HDAC9: variants seen among roughly 807,000 people sequenced by gnomAD.
HDAC9 encodes MEF-2 interacting transcription repressor (MITR) protein.
In HDAC9, 41 loss-of-function variants were observed where a neutral mutation model predicts 139.4. That is an observed-to-expected ratio of 0.29 (90% CI 0.23 to 0.38). The LOEUF (loss-of-function observed/expected upper bound fraction) is 0.38, where lower values mean the gene tolerates loss of function less well. Ranked by LOEUF, HDAC9 falls within the 10% of genes least tolerant of loss-of-function variation. The pLI is 1.00. For missense variants in HDAC9, 1,147 were observed against 1,297.0 expected (o/e 0.88, Z 1.78); for synonymous variants, 517 against 476.2 (o/e 1.09, Z -1.12).
chr7:18,124,737 A>T (rs1158866266), intron 1 of HDAC9, among the ~76,000 whole-genome samples: 2 of 151,946 alleles, frequency 1.3e-5, no homozygotes, highest in East Asian at 3.9e-4. Context: ...GGTTCCTTCC[A>T]TTTGCCTTGC....
At chr7:18,787,789 C>G (rs1461975947) in intron 16 of HDAC9, among the ~76,000 whole-genome samples, 1 of 152,206 alleles carries the variant, frequency 6.6e-6, no homozygotes, top group Non-Finnish European at 1.5e-5. Flanking sequence ...ATTTCCCATG[C>G]TCCCTCAGAT....
intron 1 of HDAC9, among the ~76,000 whole-genome samples, chr7:18,127,979 A>G (rs1479652960): frequency 6.6e-6 from 1 of 152,132 alleles, no homozygotes; most frequent in Non-Finnish European, 1.5e-5. Flanking sequence ...CTTAAACTAT[A>G]TTTTCACTTA....
intron 12 of HDAC9, among the ~76,000 whole-genome samples, chr7:18,687,148 A>G (rs554915201): frequency 1.8e-4 from 27 of 151,922 alleles, no homozygotes; most frequent in African/African-American, 6.3e-4. Context: ...TTCTAATCCT[A>G]TCAAAATTCT....
chr7:18,426,124 A>G (rs751362248), intron 1 of HDAC9, among the ~76,000 whole-genome samples: 3 of 152,236 alleles, frequency 2.0e-5, no homozygotes, highest in Non-Finnish European at 4.4e-5. Context: ...GAATAAATCA[A>G]GCATAATTAT....
chr7:18,136,870 A>G (rs1228859327), intron 1 of HDAC9, among the ~76,000 whole-genome samples: 4 of 152,004 alleles, frequency 2.6e-5, no homozygotes, highest in Admixed American at 1.3e-4. Context: ...TGGGGATGGC[A>G]TTGAATCTGT....
intron 25 of HDAC9, among the ~76,000 whole-genome samples, chr7:18,988,008 C>G (rs1452361564): frequency 1.3e-5 from 2 of 152,080 alleles, no homozygotes; most frequent in African/African-American, 2.4e-5. Context: ...TTGATCCTTT[C>G]AAAAAACCAG....
chr7:18,102,178 C>T (rs1171839508), intron 1 of HDAC9, among the ~76,000 whole-genome samples: 1 of 152,170 alleles, frequency 6.6e-6, no homozygotes, highest in Non-Finnish European at 1.5e-5. Flanking sequence ...ATAGTGAATA[C>T]ATCTTGTTAC....
At chr7:18,871,032 T>TCC (rs1346663041) in intron 21 of HDAC9, among the ~76,000 whole-genome samples, 1 of 152,172 alleles carries the variant, frequency 6.6e-6, no homozygotes, top group Non-Finnish European at 1.5e-5. Context: ...CAATGGTAAT[T>TCC]ATATATTTTC....
At chr7:18,287,821 C>T (rs1007856098), upstream of HDAC9, among the ~76,000 whole-genome samples, 3 of 152,196 alleles carry the variant, frequency 2.0e-5, no homozygotes, top group Non-Finnish European at 2.9e-5. Flanking sequence ...CTGGATGCCG[C>T]AATGCTTGGA....
At chr7:18,760,132 G>A (rs749977959) in intron 14 of HDAC9, among the ~76,000 whole-genome samples, 13 of 152,070 alleles carry the variant, frequency 8.5e-5, no homozygotes, top group Non-Finnish European at 1.3e-4. Flanking sequence ...CCCATAGAAG[G>A]AGGAGCTCGA....
At chr7:18,744,137 T>C (rs1257589888) in intron 13 of HDAC9, among the ~76,000 whole-genome samples, 1 of 149,848 alleles carries the variant, frequency 6.7e-6, no homozygotes, top group East Asian at 2.0e-4. Flanking sequence ...ATTGCAGGCA[T>C]ATACCACCAC....
chr7:18,914,188 C>T (rs948899931), intron 22 of HDAC9, among the ~76,000 whole-genome samples: 11 of 151,520 alleles, frequency 7.3e-5, no homozygotes, highest in African/African-American at 2.7e-4. Context: ...GGCCTTCACC[C>T]AGTACTGAAT....
At chr7:18,617,695 A>T (rs1483626989) in intron 6 of HDAC9, among the ~76,000 whole-genome samples, 1 of 152,198 alleles carries the variant, frequency 6.6e-6, no homozygotes, top group South Asian at 2.1e-4. Context: ...TCAGTTGAGG[A>T]ATCCTTGAGG....
At chr7:18,966,041 A>G (rs1783823401) in intron 24 of HDAC9, among the ~76,000 whole-genome samples, 1 of 152,192 alleles carries the variant, frequency 6.6e-6, no homozygotes, top group Non-Finnish European at 1.5e-5. Flanking sequence ...ATTATTATCT[A>G]TAGTTTTATT....
At chr7:18,300,191 A>T (rs1182020871) in intron 1 of HDAC9, among the ~76,000 whole-genome samples, 6 of 142,844 alleles carry the variant, frequency 4.2e-5, no homozygotes, top group South Asian at 2.3e-4. Context: ...TTTTTTGCAA[A>T]TTTTTTTTTT....
At chr7:18,606,008 G>C (rs1360158682) in intron 6 of HDAC9, among the ~76,000 whole-genome samples, 2 of 152,046 alleles carry the variant, frequency 1.3e-5, no homozygotes, top group African/African-American at 4.8e-5. Context: ...TCTCAAGCTG[G>C]TTCACATTCA....
intron 22 of HDAC9, among the ~76,000 whole-genome samples, chr7:18,877,796 C>T (rs943957347): frequency 2.0e-5 from 3 of 152,116 alleles, no homozygotes; most frequent in Admixed American, 6.6e-5. Flanking sequence ...TAATTCTTTT[C>T]ACTAGTGATG....
chr7:18,497,305 CATG>C (rs751858611), intron 2 of HDAC9, among the ~76,000 whole-genome samples: 4 of 152,118 alleles, frequency 2.6e-5, no homozygotes, highest in Non-Finnish European at 4.4e-5. Context: ...CCTAGATTTC[CATG>C]ATAAGAATGC....
chr7:18,406,397 TA>T (rs1788007068), intron 1 of HDAC9, among the ~76,000 whole-genome samples: 1 of 152,082 alleles, frequency 6.6e-6, no homozygotes, highest in Non-Finnish European at 1.5e-5. Context: ...TCTTTTTTTT[TA>T]TTTTTTTCTT....
Sources: gnomAD v4.1 joint callset for allele counts (sites outside exome capture counted in the v4.1 genomes callset) on GRCh38, gnomAD v4.1.1 for gene constraint, MANE v1.5 for transcripts, NCBI Gene and HGNC (gene_info 2026-07-23, HGNC 2026-07-21) for gene names.